PTPRD: variants seen among roughly 807,000 people sequenced by gnomAD.
PTPRD encodes the protein protein tyrosine phosphatase receptor type D.
In PTPRD, 34 loss-of-function variants were observed where a neutral mutation model predicts 214.5. The observed-to-expected ratio is 0.16, with a 90% CI of 0.12 to 0.21. The LOEUF (loss-of-function observed/expected upper bound fraction) is 0.21, where lower values mean the gene tolerates loss of function less well. PTPRD is among the 10% of genes least tolerant of loss of function. The pLI, the probability that PTPRD is intolerant of heterozygous loss-of-function variation, is 1.00. For synonymous variants in PTPRD, 1,128 were observed against 845.7 expected, an observed-to-expected ratio of 1.33 and a Z score of -5.79; for missense variants, 2,545 against 2,398.7, an observed-to-expected ratio of 1.06 and a Z score of -1.27.
chr9:8,520,112 G>T (rs1169236419), intron 20 of PTPRD, among the ~76,000 whole-genome samples: 4 of 152,130 alleles, frequency 2.6e-5, no homozygotes, highest in African/African-American at 4.8e-5. Flanking sequence ...AACTTTCAAA[G>T]CAAATACAAA....
At chr9:8,504,607 A>C (rs975304064) in intron 22 of PTPRD, among the ~76,000 whole-genome samples, 1 of 152,228 alleles carries the variant, frequency 6.6e-6, no homozygotes, top group African/African-American at 2.4e-5. Flanking sequence ...AGTTTCTACA[A>C]AGGTAACTGG....
At chr9:8,972,712 T>A (rs992527046) in intron 11 of PTPRD, among the ~76,000 whole-genome samples, 1 of 151,928 alleles carries the variant, frequency 6.6e-6, no homozygotes, top group African/African-American at 2.4e-5. Context: ...CCAAGACAGG[T>A]TGAAAACTTC....
chr9:9,930,350 G>C (rs1602568758), intron 5 of PTPRD, among the ~76,000 whole-genome samples: 1 of 152,178 alleles, frequency 6.6e-6, no homozygotes, highest in South Asian at 2.1e-4. Context: ...GAATGGACCT[G>C]GAAACCACAG....
chr9:8,572,595 G>C (rs895849338), intron 14 of PTPRD, among the ~76,000 whole-genome samples: 1 of 151,930 alleles, frequency 6.6e-6, no homozygotes, highest in African/African-American at 2.4e-5. Context: ...ATTAACATTA[G>C]ACAACACAAA....
At chr9:9,399,615 G>A (rs1304069723) in intron 8 of PTPRD, among the ~76,000 whole-genome samples, 3 of 152,012 alleles carry the variant, frequency 2.0e-5, no homozygotes, top group Non-Finnish European at 2.9e-5. Context: ...TATTGTGGTA[G>A]AGATCCAGTG....
At chr9:8,554,336 A>C (rs1441857702) in intron 14 of PTPRD, among the ~76,000 whole-genome samples, 5 of 152,230 alleles carry the variant, frequency 3.3e-5, no homozygotes, top group African/African-American at 1.2e-4. Flanking sequence ...AAAAATGATT[A>C]TTCTCATGTT....
At chr9:10,318,521 T>A (rs189687592) in intron 3 of PTPRD, among the ~76,000 whole-genome samples, 3 of 152,044 alleles carry the variant, frequency 2.0e-5, no homozygotes, top group African/African-American at 7.2e-5. Context: ...GTATTCTGTG[T>A]ATGTTCCCTC....
chr9:8,730,826 G>A (rs144405424), intron 12 of PTPRD, among the ~76,000 whole-genome samples: 119 of 152,220 alleles, frequency 7.8e-4, no homozygotes, highest in African/African-American at 2.5e-3. Context: ...CCCTGAAGAA[G>A]AGCTTACTCA....
chr9:9,022,721 A>C (rs1423821391), intron 10 of PTPRD, among the ~76,000 whole-genome samples: 10 of 152,224 alleles, frequency 6.6e-5, no homozygotes, highest in Admixed American at 4.6e-4. Flanking sequence ...CATAATTTGC[A>C]GAACTTGAAC....
At chr9:9,550,646 T>C (rs530715764) in intron 8 of PTPRD, among the ~76,000 whole-genome samples, 43 of 151,448 alleles carry the variant, frequency 2.8e-4, no homozygotes, top group African/African-American at 9.4e-4. Context: ...ACTTTTGCTC[T>C]GTAAAACCCC....
intron 9 of PTPRD, among the ~76,000 whole-genome samples, chr9:9,195,081 T>TG (rs1491176233): frequency 2.7e-4 from 30 of 112,802 alleles, no homozygotes; most frequent in Non-Finnish European, 4.5e-4. Flanking sequence ...TATGTGTGTG[T>TG]TTGTGTATAT....
intron 11 of PTPRD, among the ~76,000 whole-genome samples, chr9:8,799,468 A>G (rs1363860687): frequency 6.6e-6 from 1 of 152,234 alleles, no homozygotes; most frequent in Non-Finnish European, 1.5e-5. Flanking sequence ...ACATCAGCCT[A>G]ATAAAAAGAG....
chr9:9,544,026 C>A (rs911034585), intron 8 of PTPRD, among the ~76,000 whole-genome samples: 1 of 151,712 alleles, frequency 6.6e-6, no homozygotes, highest in African/African-American at 2.4e-5. Flanking sequence ...TAAAACCTGA[C>A]TTAATCTCTT....
rs577459784 is a variant in PTPRD at position 10,260,226 on chromosome 9, C to G, written c.-545+80737G>C. On this transcript the variant is annotated intron_variant, in intron 3 of 45. Coordinates refer to ENST00000381196, the MANE Select transcript of PTPRD (RefSeq NM_002839.4). ...GACCCTATATCATCCCCAGGGAAGT[C>G]ATGTCCAGAATGTGGGTCAGTACCA... 3.3e-4 allele frequency among the ~76,000 whole-genome samples: 50 copies of G among 152,302 alleles called. 1 individual carries two copies. In the South Asian group the frequency reaches 0.01, roughly 32 times the overall value.
chr9:8,498,219 G>A (rs1208452644), intron 25 of PTPRD, among the ~76,000 whole-genome samples: 1 of 152,016 alleles, frequency 6.6e-6, no homozygotes, highest in East Asian at 1.9e-4. Context: ...TAAGACTTTG[G>A]GGGTAAGTAC....
chr9:10,515,775 A>G (rs1362534025), intron 2 of PTPRD, among the ~76,000 whole-genome samples: 2 of 151,864 alleles, frequency 1.3e-5, no homozygotes, highest in Admixed American at 6.6e-5. Flanking sequence ...AGCAACCACC[A>G]TGCTACTCAC....
chr9:8,955,894 C>G (rs2099129080), intron 11 of PTPRD, among the ~76,000 whole-genome samples: 1 of 151,866 alleles, frequency 6.6e-6, no homozygotes, highest in Non-Finnish European at 1.5e-5. Context: ...ATTTGCATAT[C>G]CATGCATATA....
At chr9:9,184,930 T>C (rs1457586220) in intron 9 of PTPRD, among the ~76,000 whole-genome samples, 1 of 152,098 alleles carries the variant, frequency 6.6e-6, no homozygotes, top group Non-Finnish European at 1.5e-5. Flanking sequence ...AAATATCCTT[T>C]GGTAAATACC....
intron 4 of PTPRD, among the ~76,000 whole-genome samples, chr9:9,969,710 G>T (rs1323396366): frequency 2.0e-5 from 3 of 152,202 alleles, no homozygotes; most frequent in African/African-American, 7.2e-5. Flanking sequence ...GATCAACCTT[G>T]AATAGAAATA....
Sources: gnomAD v4.1 joint callset for allele counts (sites outside exome capture counted in the v4.1 genomes callset) on GRCh38, gnomAD v4.1.1 for gene constraint, MANE v1.5 for transcripts, NCBI Gene and HGNC (gene_info 2026-07-23, HGNC 2026-07-21) for gene names.